Variants in ADAP1 observed in about 807,000 individuals in gnomAD.
ADAP1 encodes the protein ArfGAP with dual PH domains 1.
Under a neutral mutation model 54.9 loss-of-function variants are expected in ADAP1, and 31 were observed. The observed-to-expected ratio is 0.56, with a 90% CI of 0.42 to 0.76. The LOEUF is 0.76. Among genes scored for constraint, ADAP1 ranks in the 30% least tolerant of loss-of-function variants. ADAP1 has a pLI of 0.00. For missense variants in ADAP1, 535 were observed against 512.4 expected, an observed-to-expected ratio of 1.04 and a Z score of -0.42; for synonymous variants, 313 against 202.6, an observed-to-expected ratio of 1.55 and a Z score of -4.63.
At chr7:932,625 G>T (rs1846620167) in intron 2 of ADAP1, among the ~76,000 whole-genome samples, 1 of 152,194 alleles carries the variant, frequency 6.6e-6, no homozygotes, top group African/African-American at 2.4e-5. Flanking sequence ...TTTAGGGAAG[G>T]AAACGGAGGC....
chr7:950,354 C>T (rs950629281), intron 1 of ADAP1, among the ~76,000 whole-genome samples: 6 of 152,090 alleles, frequency 3.9e-5, no homozygotes, highest in African/African-American at 1.2e-4. Context: ...GGCATGGCAG[C>T]GTGCACCTGT....
chr7:910,257 C>A (rs1845669369), intron 4 of ADAP1, among the ~76,000 whole-genome samples: 1 of 152,156 alleles, frequency 6.6e-6, no homozygotes, highest in South Asian at 2.1e-4. Context: ...AAAGCCCACA[C>A]CCGTTTACGA....
chr7:899,416 T>C lies in ADAP1; in HGVS notation c.867+3A>G. On this transcript the variant is annotated splice_donor_region_variant and intron_variant, in intron 9 of 10. Transcript: ENST00000265846. Reference sequence around the variant, plus strand: ...CCGTGCTGGGGCCACAGCTCCTCCTTACCAGGGGGTCTTTGAAGTACATGA... The same window carrying C: ...CCGTGCTGGGGCCACAGCTCCTCCTCACCAGGGGGTCTTTGAAGTACATGA... 6.2e-7 allele frequency: 1 copy of C among 1,613,038 alleles called. No individual in the cohort carries two copies. Among genetic ancestry groups the C allele is most frequent in the Non-Finnish European group, 8.5e-7 (1 of 1,179,864 alleles).
chr7:898,904 T>C lies in ADAP1; in HGVS notation c.*17A>G. On this transcript the variant is annotated 3_prime_UTR_variant, in exon 11 of 11. Transcript: ENST00000265846. ...GCCACAGTGAGTCCAATGTCCGTGGTCCTCCAGCCGCACTCGCTAAGGTTT... is the reference window on the plus strand; with the variant it reads ...GCCACAGTGAGTCCAATGTCCGTGGCCCTCCAGCCGCACTCGCTAAGGTTT... 6.3e-7 allele frequency: 1 copy of C among 1,592,474 alleles called. No individual in the cohort carries two copies. The highest frequency in any genetic ancestry group is 1.7e-4 in the Middle Eastern group (1 of 6,036).
intron 2 of ADAP1, among the ~76,000 whole-genome samples, chr7:929,973 G>A (rs1484602463): frequency 6.6e-6 from 1 of 151,626 alleles, no homozygotes; most frequent in South Asian, 2.1e-4. Context: ...GCGTGGTGGT[G>A]CACGTCTGTA....
intron 4 of ADAP1, among the ~76,000 whole-genome samples, chr7:910,447 C>T (rs925479209): frequency 1.3e-5 from 2 of 152,086 alleles, no homozygotes; most frequent in Non-Finnish European, 1.5e-5. Flanking sequence ...GATGGGAGCT[C>T]ACTGCGTTGC....
intron 4 of ADAP1, among the ~76,000 whole-genome samples, chr7:910,488 T>A (rs1188760920): frequency 6.6e-6 from 1 of 152,158 alleles, no homozygotes; most frequent in African/African-American, 2.4e-5. Flanking sequence ...TGAGCTCAGG[T>A]GACCCTCCTG....
chr7:918,784 A>G (rs1583158471), intron 4 of ADAP1, among the ~76,000 whole-genome samples: 1 of 151,922 alleles, frequency 6.6e-6, no homozygotes, highest in Non-Finnish European at 1.5e-5. Context: ...CCCTGGGGAA[A>G]AAACCACTCA....
At chr7:953,831 G>T (rs868704423) in intron 1 of ADAP1, among the ~76,000 whole-genome samples, 1 of 152,102 alleles carries the variant, frequency 6.6e-6, no homozygotes, top group South Asian at 2.1e-4. Flanking sequence ...ACCTGCGTCC[G>T]GCCCCACCTC....
At chr7:908,381 C>T (rs1348041931) in intron 4 of ADAP1, among the ~76,000 whole-genome samples, 2 of 152,160 alleles carry the variant, frequency 1.3e-5, no homozygotes, top group Non-Finnish European at 2.9e-5. Flanking sequence ...CAGCTGGTGC[C>T]CTCGGGGAGG....
chr7:912,183 A>G (rs939237334), intron 4 of ADAP1, among the ~76,000 whole-genome samples: 4 of 152,124 alleles, frequency 2.6e-5, no homozygotes. Flanking sequence ...CCTGAACCAC[A>G]GGGGAACCAC....
intron 4 of ADAP1, among the ~76,000 whole-genome samples, chr7:909,178 A>AGGACGCCGCATTCCAGGGGCAATGACGGC (rs1562917917): frequency 7.8e-6 from 1 of 127,648 alleles, no homozygotes; most frequent in Non-Finnish European, 1.7e-5. Flanking sequence ...AGCAGGCGCC[A>AGGACGCCGCATTCCAGGGGCAATGACGGC]GCGGGAACCC....
In ADAP1 at chr7:900,554, G is replaced by A. The variant is rs757106026; in HGVS notation, c.711C>T (p.Phe237=). 2 of 1,610,880 alleles carry A rather than the reference G, an allele frequency of 1.2e-6. No homozygotes were observed. The highest frequency in any genetic ancestry group is 2.2e-5 in the East Asian group (1 of 44,788). Residue 237 remains phenylalanine (F), a synonymous_variant, in exon 7 of 11, where the codon TTC becomes TTT. Transcript: ENST00000265846. ...TCACATCTGCGTCGCCGGCCCCTGG[G>A]AATGCCACCTGCAGGTAGTGGAAGC... ...AARFHYLQVA[F]PGAGDADLVP...
intron 4 of ADAP1, among the ~76,000 whole-genome samples, chr7:913,476 C>A (rs866775677): frequency 7.4e-4 from 113 of 152,226 alleles, no homozygotes; most frequent in African/African-American, 2.6e-3. Context: ...GCTGGGATTA[C>A]AGGCGTGAGG....
At chr7:918,140 C>G (rs1483601150) in intron 4 of ADAP1, among the ~76,000 whole-genome samples, 1 of 152,174 alleles carries the variant, frequency 6.6e-6, no homozygotes, top group South Asian at 2.1e-4. Context: ...GTTGGCCAGG[C>G]TGGCCTCAAA....
chr7:907,342 C>T (rs575295325), intron 4 of ADAP1, among the ~76,000 whole-genome samples: 18 of 152,218 alleles, frequency 1.2e-4, no homozygotes, highest in African/African-American at 3.9e-4. Flanking sequence ...GGGAAGGGGA[C>T]GTGGCCGTGG....
chr7:915,598 G>A lies in ADAP1; in HGVS notation c.388+4370C>T, dbSNP rs557261884. Among the ~76,000 whole-genome samples the A allele has an allele frequency of 7.2e-5, 11 of 152,340 alleles. No individual in the cohort carries two copies. In the East Asian group the frequency reaches 1.3e-3, roughly 19 times the overall value. On this transcript the variant is annotated intron_variant, in intron 4 of 10. Transcript: ENST00000265846. ...CTCCCTCCCTCCAACCCCTGCCCGAGGGTCACACGGGAGGCTTTAGCTCAT... is the reference window on the plus strand; with the variant it reads ...CTCCCTCCCTCCAACCCCTGCCCGAAGGTCACACGGGAGGCTTTAGCTCAT...
chr7:899,350 C>G (rs1171700828), intron 9 of ADAP1, 69 bp downstream of exon 9: 1 of 1,606,320 alleles, frequency 6.2e-7, no homozygotes, highest in Admixed American at 1.7e-5. Context: ...ACCCGCCCTC[C>G]TGGTCACGCA....
At chr7:930,884 G>A (rs1846552623) in intron 2 of ADAP1, among the ~76,000 whole-genome samples, 1 of 151,516 alleles carries the variant, frequency 6.6e-6, no homozygotes, top group Admixed American at 6.6e-5. Context: ...GGAGGCTGAG[G>A]CAAGAGGATC....
Sources: allele counts gnomAD v4.1 joint callset (sites outside exome capture counted in the v4.1 genomes callset), GRCh38; gene constraint gnomAD v4.1.1; transcripts MANE v1.5; gene names NCBI Gene and HGNC (gene_info 2026-07-23, HGNC 2026-07-21).